The following RAB38 variants were observed in gnomAD, a reference collection of about 807,000 sequenced individuals.
RAB38 encodes ras-related protein Rab-38.
Under a neutral mutation model 18.4 loss-of-function variants are expected in RAB38, and 15 were observed. The ratio of observed to expected loss-of-function variants is 0.82; its 90% CI spans 0.55 to 1.26. The LOEUF is 1.26. Among genes scored for constraint, RAB38 ranks in the 50% most tolerant of loss-of-function variants. The pLI is 0.00. For missense variants in RAB38, 294 were observed against 267.4 expected, an observed-to-expected ratio of 1.10 and a Z score of -0.69; for synonymous variants, 101 against 104.4, an observed-to-expected ratio of 0.97 and a Z score of 0.20.
At chr11:87,864,020 C>A in the RAB38 span, among the ~76,000 whole-genome samples, 1 of 151,574 alleles carries the variant, frequency 6.6e-6, no homozygotes, top group South Asian at 2.1e-4. Context: ...GTGTGGTGGT[C>A]GTGATCACGG....
chr11:88,134,187 C>T (rs1591162459), intron 2 of RAB38, among the ~76,000 whole-genome samples: 2 of 152,226 alleles, frequency 1.3e-5, no homozygotes, highest in East Asian at 3.9e-4. Flanking sequence ...GTATCTCTTA[C>T]CCATTGATCC....
the RAB38 span, among the ~76,000 whole-genome samples, chr11:87,938,174 C>A: frequency 8.5e-5 from 13 of 152,184 alleles, no homozygotes; most frequent in East Asian, 1.5e-3. Flanking sequence ...GATGGGGACT[C>A]CCTGTTATTG....
chr11:88,110,046 C>T (rs1942452804), downstream of RAB38, among the ~76,000 whole-genome samples: 1 of 152,280 alleles, frequency 6.6e-6, no homozygotes, highest in Non-Finnish European at 1.5e-5. Flanking sequence ...ATAAATCATT[C>T]TACTATAAAG....
chr11:88,149,930 C>G lies in RAB38; in HGVS notation c.228G>C (p.Thr76=), dbSNP rs150190201. ...IAGQERFGNM[T]RVYYREAMGA... Reference sequence around the variant, plus strand: ...CCATAGCTTCTCGGTAATAGACCCTCGTCATGTTTCCAAATCTTTCTTGAC... The same window carrying G: ...CCATAGCTTCTCGGTAATAGACCCTGGTCATGTTTCCAAATCTTTCTTGAC... Residue 76 remains threonine (T), a synonymous_variant, in exon 2 of 3, where the codon ACG becomes ACC. Transcript: ENST00000243662. 3.7e-6 allele frequency: 6 copies of G among 1,611,144 alleles called. No individual in the cohort carries two copies. The highest frequency in any genetic ancestry group is 8.5e-7 in the Non-Finnish European group (1 of 1,178,722).
the RAB38 span, among the ~76,000 whole-genome samples, chr11:88,015,689 T>C: frequency 7.9e-5 from 12 of 152,146 alleles, no homozygotes; most frequent in Non-Finnish European, 1.6e-4. Context: ...ACTCTGCCAG[T>C]AAAGACAGCA....
At chr11:87,870,449 C>A in the RAB38 span, among the ~76,000 whole-genome samples, 5 of 151,454 alleles carry the variant, frequency 3.3e-5, no homozygotes, top group African/African-American at 9.7e-5. Context: ...TTAAGAAATT[C>A]TTTTTGTCAA....
the RAB38 span, among the ~76,000 whole-genome samples, chr11:87,951,384 T>C: frequency 6.6e-6 from 1 of 152,204 alleles, no homozygotes; most frequent in Non-Finnish European, 1.5e-5. Context: ...GAAGCCTTCT[T>C]GTCTCAACTC....
At chr11:87,830,357 T>C in the RAB38 span, among the ~76,000 whole-genome samples, 3 of 152,016 alleles carry the variant, frequency 2.0e-5, no homozygotes, top group Non-Finnish European at 4.4e-5. Context: ...GCCGTGTACC[T>C]GTGGTCCCAG....
At chr11:88,135,635 CCTT>C (rs1287406920) in intron 2 of RAB38, among the ~76,000 whole-genome samples, 2 of 152,204 alleles carry the variant, frequency 1.3e-5, no homozygotes, top group East Asian at 1.9e-4. Context: ...TTGTGACTGT[CCTT>C]CTTTACAAAA....
intron 2 of RAB38, among the ~76,000 whole-genome samples, chr11:88,124,281 A>G (rs1453568460): frequency 6.6e-6 from 1 of 152,232 alleles, no homozygotes; most frequent in Non-Finnish European, 1.5e-5. Flanking sequence ...AATGGGATCT[A>G]GTTAAACTAA....
At chr11:87,925,923 C>G in the RAB38 span, among the ~76,000 whole-genome samples, 2 of 151,832 alleles carry the variant, frequency 1.3e-5, no homozygotes, top group Non-Finnish European at 2.9e-5. Flanking sequence ...ACATTGATAC[C>G]TGCCACGCTA....
the RAB38 span, among the ~76,000 whole-genome samples, chr11:88,012,296 A>G: frequency 1.3e-5 from 2 of 152,154 alleles, no homozygotes; most frequent in Non-Finnish European, 2.9e-5. Flanking sequence ...ACTTGGAAGG[A>G]CACTGGAGGA....
chr11:88,064,709 A>G, the RAB38 span, among the ~76,000 whole-genome samples: 1 of 152,252 alleles, frequency 6.6e-6, no homozygotes, highest in African/African-American at 2.4e-5. Context: ...CAACAATGTC[A>G]TATAATATGA....
At chr11:88,032,318 G>A in the RAB38 span, among the ~76,000 whole-genome samples, 1 of 152,188 alleles carries the variant, frequency 6.6e-6, no homozygotes, top group Non-Finnish European at 1.5e-5. Context: ...ACATAGGCAT[G>A]GGCAAGGACT....
chr11:87,931,311 G>A, the RAB38 span, among the ~76,000 whole-genome samples: 1 of 152,076 alleles, frequency 6.6e-6, no homozygotes, highest in Admixed American at 6.6e-5. Context: ...GTTGGTTTGG[G>A]TTGTCTATTT....
chr11:88,043,656 C>T, the RAB38 span, among the ~76,000 whole-genome samples: 3 of 131,836 alleles, frequency 2.3e-5, no homozygotes, highest in Non-Finnish European at 4.8e-5. Context: ...TTTTCCTTTA[C>T]CTACCCAAAT....
Position 88,114,146 on chromosome 11 carries a change from A to AG in RAB38, c.484-7dup. 1 of 1,613,850 alleles carries AG rather than the reference A, an allele frequency of 6.2e-7. No homozygotes were observed. Among genetic ancestry groups the AG allele is most frequent in the Non-Finnish European group, 8.5e-7 (1 of 1,179,798 alleles). On this transcript the variant is annotated splice_region_variant and splice_polypyrimidine_tract_variant and intron_variant, in intron 2 of 2. Coordinates refer to ENST00000243662, the MANE Select transcript of RAB38 (RefSeq NM_022337.3). ...TCATCAATGTTTATATTTTCCTATG[A>AG]GGGAAAAAATAAAACAGCTTTTCTT...
chr11:87,871,454 C>A, the RAB38 span, among the ~76,000 whole-genome samples: 8 of 151,630 alleles, frequency 5.3e-5, no homozygotes, highest in African/African-American at 1.9e-4. Context: ...CACACAAATA[C>A]AAATACACAT....
the RAB38 span, among the ~76,000 whole-genome samples, chr11:87,945,469 C>T: frequency 2.3e-4 from 35 of 151,888 alleles, no homozygotes; most frequent in Admixed American, 4.6e-4. Flanking sequence ...CTTTTGACAA[C>T]GGGGTTGTCA....
Sources: allele counts gnomAD v4.1 joint callset (sites outside exome capture counted in the v4.1 genomes callset), GRCh38; gene constraint gnomAD v4.1.1; transcripts MANE v1.5; gene names NCBI Gene and HGNC (gene_info 2026-07-23, HGNC 2026-07-21).